Variants in CSMD1 observed in about 807,000 individuals in gnomAD.
The protein encoded by CSMD1 is CUB and Sushi multiple domains 1.
A neutral mutation model predicts 417.5 loss-of-function variants in CSMD1; 213 were observed. The observed-to-expected ratio is 0.51, with a 90% CI of 0.46 to 0.57. CSMD1 has a LOEUF of 0.57. CSMD1 is among the 20% of genes least tolerant of loss of function. CSMD1 has a pLI of 0.00. For missense variants in CSMD1, 6,923 were observed against 4,529.7 expected (o/e 1.53, Z -15.17); for synonymous variants, 2,862 against 1,736.8 (o/e 1.65, Z -16.11).
intron 10 of CSMD1, among the ~76,000 whole-genome samples, chr8:3,560,035 T>A (rs13253282): frequency 0.52 from 79,148 of 151,828 alleles, 21,581 homozygotes; most frequent in Middle Eastern, 0.63. Flanking sequence ...GTGGAGGGAA[T>A]TTGGTGAATG....
At chr8:4,375,802 A>AT (rs760612529) in intron 3 of CSMD1, among the ~76,000 whole-genome samples, 3 of 152,186 alleles carry the variant, frequency 2.0e-5, no homozygotes, top group East Asian at 3.9e-4. Flanking sequence ...ATCCTCATAC[A>AT]TTTTTTAAGA....
chr8:4,315,517 A>G (rs930512699), intron 3 of CSMD1, among the ~76,000 whole-genome samples: 2 of 152,256 alleles, frequency 1.3e-5, no homozygotes, highest in Non-Finnish European at 2.9e-5. Flanking sequence ...AATAAAGTAG[A>G]AAATTAGATT....
chr8:4,694,334 C>T (rs1016693990), intron 1 of CSMD1, among the ~76,000 whole-genome samples: 8 of 151,998 alleles, frequency 5.3e-5, no homozygotes, highest in African/African-American at 1.9e-4. Context: ...AACCAAAAAC[C>T]AAAGTACTTC....
intron 12 of CSMD1, among the ~76,000 whole-genome samples, chr8:3,452,680 G>T (rs1039835092): frequency 1.3e-5 from 2 of 152,180 alleles, no homozygotes; most frequent in Admixed American, 1.3e-4. Flanking sequence ...CTTGATCATG[G>T]TGGATAAGGT....
At position 3,439,809 on chromosome 8, in the gene CSMD1, A is replaced by G. The variant is rs183472427; in HGVS notation, c.1561+28903T>C. On this transcript the variant is annotated intron_variant, in intron 12 of 69. Transcript: ENST00000635120. ...GTTTACATTTACATTTAAGTCTATT[A>G]TCCATTTTGAGTAGATTTTTGTAAA... Among the ~76,000 whole-genome samples, 25 of 152,272 alleles carry G rather than the reference A, an allele frequency of 1.6e-4. No individual in the cohort carries two copies. The East Asian group carries it at 2.5e-3, about 15-fold the overall frequency.
intron 23 of CSMD1, among the ~76,000 whole-genome samples, chr8:3,333,203 C>G (rs757195431): frequency 2.1e-4 from 32 of 152,148 alleles, no homozygotes; most frequent in Non-Finnish European, 4.0e-4. Context: ...CAGCCAACAC[C>G]TGGTCACGTC....
intron 1 of CSMD1, among the ~76,000 whole-genome samples, chr8:4,848,628 C>G (rs1206627397): frequency 6.6e-6 from 1 of 151,856 alleles, no homozygotes; most frequent in Non-Finnish European, 1.5e-5. Flanking sequence ...CAACCTCCGT[C>G]TTCTTGGTTC....
chr8:4,145,519 A>T (rs911760478), intron 3 of CSMD1, among the ~76,000 whole-genome samples: 3 of 151,028 alleles, frequency 2.0e-5, no homozygotes, highest in African/African-American at 7.4e-5. Flanking sequence ...AAACATTGTC[A>T]TCTTGAATCC....
At chr8:3,237,119 G>A (rs1261982808) in intron 26 of CSMD1, among the ~76,000 whole-genome samples, 2 of 151,810 alleles carry the variant, frequency 1.3e-5, no homozygotes, top group Non-Finnish European at 2.9e-5. Context: ...AGAACTGGAC[G>A]CTGCAATAAC....
Position 4,209,423 on chromosome 8 carries a change from G to C in CSMD1, c.416-177324C>G, listed in dbSNP as rs532099682. ...CAGGGTTCCTGTGGAATTGTATGAG[G>C]TGTGAACTCCTCATCAAGCCAAGTG... On this transcript the variant is annotated intron_variant, in intron 3 of 69. Transcript: ENST00000635120. Among the ~76,000 whole-genome samples the C allele has an allele frequency of 3.3e-5, 5 of 152,198 alleles. No homozygotes were observed. The South Asian group carries it at 1.0e-3, about 32-fold the overall frequency.
chr8:4,722,684 T>C (rs1405669704), intron 1 of CSMD1, among the ~76,000 whole-genome samples: 2 of 152,160 alleles, frequency 1.3e-5, no homozygotes, highest in Admixed American at 1.3e-4. Flanking sequence ...AAAAAGTTTC[T>C]AATTTTTCTA....
chr8:3,616,087 G>C (rs576167303), intron 8 of CSMD1, among the ~76,000 whole-genome samples: 1 of 152,188 alleles, frequency 6.6e-6, no homozygotes, highest in South Asian at 2.1e-4. Context: ...ACTATGAGGA[G>C]ATAATTAAAT....
chr8:3,961,354 G>A (rs2740830), intron 5 of CSMD1, among the ~76,000 whole-genome samples: 12,700 of 152,252 alleles, frequency 0.083, 635 homozygotes, highest in Middle Eastern at 0.13. Context: ...GTAAGCCACT[G>A]AAGAACAAGG....
chr8:3,203,396 G>A (rs1369821495), intron 31 of CSMD1, among the ~76,000 whole-genome samples: 1 of 152,102 alleles, frequency 6.6e-6, no homozygotes, highest in Non-Finnish European at 1.5e-5. Context: ...CGCTGCTGCC[G>A]GAAATCATGA....
At chr8:4,076,768 G>C (rs2130797482) in intron 3 of CSMD1, among the ~76,000 whole-genome samples, 1 of 152,256 alleles carries the variant, frequency 6.6e-6, no homozygotes, top group African/African-American at 2.4e-5. Context: ...TCACATTTCA[G>C]GCTCTGAACA....
intron 1 of CSMD1, among the ~76,000 whole-genome samples, chr8:4,940,015 A>C (rs6998815): frequency 0.093 from 14,188 of 152,222 alleles, 1,331 homozygotes; most frequent in African/African-American, 0.24. Context: ...GGGAAAACTG[A>C]AAGATCCATG....
chr8:3,433,743 G>A (rs1054464256), intron 12 of CSMD1, among the ~76,000 whole-genome samples: 3 of 152,112 alleles, frequency 2.0e-5, no homozygotes, highest in African/African-American at 4.8e-5. Flanking sequence ...TTAAATTCAG[G>A]CTTGTGTTGA....
intron 3 of CSMD1, among the ~76,000 whole-genome samples, chr8:4,310,371 A>T (rs764313862): frequency 2.0e-5 from 3 of 152,178 alleles, no homozygotes. Context: ...GTTCACAGAC[A>T]GTGTTTCTCA....
chr8:2,996,356 G>T (rs183838953), intron 54 of CSMD1, among the ~76,000 whole-genome samples: 2 of 152,312 alleles, frequency 1.3e-5, no homozygotes, highest in African/African-American at 4.8e-5. Context: ...CATTAGATCA[G>T]CTTCTTATCA....
Sources: allele counts gnomAD v4.1 joint callset (sites outside exome capture counted in the v4.1 genomes callset), GRCh38; gene constraint gnomAD v4.1.1; transcripts MANE v1.5; gene names NCBI Gene and HGNC (gene_info 2026-07-23, HGNC 2026-07-21).